Variants in GPC6 observed in about 807,000 individuals in gnomAD.
GPC6 encodes glypican-6.
A neutral mutation model predicts 55.2 loss-of-function variants in GPC6; 14 were observed. That is an observed-to-expected ratio of 0.25 (90% CI 0.17 to 0.40). The LOEUF is 0.40. GPC6 is among the 10% of genes least tolerant of loss of function. The pLI is 1.00. For synonymous variants in GPC6, 278 were observed against 259.6 expected, an observed-to-expected ratio of 1.07 and a Z score of -0.68; for missense variants, 641 against 708.5, an observed-to-expected ratio of 0.90 and a Z score of 1.08.
At chr13:93,359,982 T>C (rs755655511) in intron 1 of GPC6, among the ~76,000 whole-genome samples, 2 of 152,152 alleles carry the variant, frequency 1.3e-5, no homozygotes, top group Non-Finnish European at 1.5e-5. Context: ...GTATTAAACA[T>C]GGAATTTTTA....
chr13:93,954,294 T>C (rs1263714331), intron 3 of GPC6, among the ~76,000 whole-genome samples: 1 of 152,190 alleles, frequency 6.6e-6, no homozygotes, highest in Non-Finnish European at 1.5e-5. Context: ...AAAATATTCT[T>C]CTGCATACAC....
At chr13:94,034,307 C>T (rs1481662886) in intron 4 of GPC6, among the ~76,000 whole-genome samples, 1 of 152,108 alleles carries the variant, frequency 6.6e-6, no homozygotes, top group Non-Finnish European at 1.5e-5. Context: ...GCTACATTTG[C>T]TATCAATTAC....
chr13:93,470,728 T>G (rs978355861), intron 1 of GPC6, among the ~76,000 whole-genome samples: 1 of 152,134 alleles, frequency 6.6e-6, no homozygotes, highest in Non-Finnish European at 1.5e-5. Context: ...TATTTTTTCT[T>G]TAAATATTTA....
At chr13:93,392,118 C>T (rs946860044) in intron 1 of GPC6, among the ~76,000 whole-genome samples, 1 of 152,168 alleles carries the variant, frequency 6.6e-6, no homozygotes, top group Non-Finnish European at 1.5e-5. Context: ...CTTGGAGTCT[C>T]AAATATCCTT....
chr13:94,310,010 C>A (rs971784240), intron 6 of GPC6, among the ~76,000 whole-genome samples: 1 of 152,108 alleles, frequency 6.6e-6, no homozygotes, highest in Admixed American at 6.5e-5. Context: ...TTTTAAAAGA[C>A]GGTTCCAATT....
At chr13:94,395,320 A>G (rs1309513093) in intron 7 of GPC6, among the ~76,000 whole-genome samples, 4 of 152,246 alleles carry the variant, frequency 2.6e-5, no homozygotes, top group African/African-American at 4.8e-5. Context: ...AGAAAGAGAT[A>G]TGAGTCCACG....
chr13:93,308,771 A>G (rs1011929820), intron 1 of GPC6, among the ~76,000 whole-genome samples: 2 of 152,234 alleles, frequency 1.3e-5, no homozygotes, highest in Admixed American at 1.3e-4. Context: ...CTGAAACTTT[A>G]TTACACATAA....
At chr13:94,146,663 A>G (rs1201055778) in intron 4 of GPC6, among the ~76,000 whole-genome samples, 2 of 152,152 alleles carry the variant, frequency 1.3e-5, no homozygotes, top group African/African-American at 4.8e-5. Flanking sequence ...CAACTCCTTG[A>G]TGACATACCT....
chr13:93,421,450 G>T (rs1876920587), intron 1 of GPC6, among the ~76,000 whole-genome samples: 1 of 152,106 alleles, frequency 6.6e-6, no homozygotes, highest in Non-Finnish European at 1.5e-5. Context: ...GTCAGGAATT[G>T]ATTTTCTGCT....
At position 94,034,527 on chromosome 13, in the gene GPC6, A is replaced by T. The variant is rs1883266876; in HGVS notation, c.877+6633A>T. The stretch of plus-strand genomic sequence containing the variant: ...CACAGAAGCACAATTTCTATTTTGA[A>T]TCAAGCAATTTTCCCATGGATCAAA... On this transcript the variant is annotated intron_variant, in intron 4 of 8. Coordinates refer to ENST00000377047, the MANE Select transcript of GPC6 (RefSeq NM_005708.5). Among the ~76,000 whole-genome samples the T allele has an allele frequency of 2.6e-5, 4 of 152,102 alleles. No individual in the cohort carries two copies. In the South Asian group the frequency reaches 8.3e-4, roughly 31 times the overall value.
chr13:93,249,102 AT>A (rs1298894314), intron 1 of GPC6, among the ~76,000 whole-genome samples: 4 of 152,170 alleles, frequency 2.6e-5, no homozygotes, highest in African/African-American at 9.7e-5. Flanking sequence ...ACTGAAACAA[AT>A]TTCAGATAAA....
intron 1 of GPC6, among the ~76,000 whole-genome samples, chr13:93,438,099 C>T (rs1877640670): frequency 1.3e-5 from 2 of 152,108 alleles, no homozygotes; most frequent in Admixed American, 1.3e-4. Flanking sequence ...TATTTGACAC[C>T]TATTCCTGAG....
chr13:93,827,424 C>A (rs1042626267), intron 2 of GPC6, among the ~76,000 whole-genome samples: 1 of 151,980 alleles, frequency 6.6e-6, no homozygotes, highest in Non-Finnish European at 1.5e-5. Flanking sequence ...AAATGAGTAC[C>A]CTTATTTTGG....
chr13:94,089,276 A>G (rs546940225), intron 4 of GPC6, among the ~76,000 whole-genome samples: 1 of 152,266 alleles, frequency 6.6e-6, no homozygotes, highest in Non-Finnish European at 1.5e-5. Context: ...AGAGAGATGG[A>G]TTAGGTCAGA....
chr13:93,376,813 T>C (rs564241311), intron 1 of GPC6, among the ~76,000 whole-genome samples: 1 of 151,612 alleles, frequency 6.6e-6, no homozygotes, highest in African/African-American at 2.4e-5. Context: ...CAATAAATGA[T>C]ATATATAAAA....
chr13:93,352,605 G>A (rs2139165851), intron 1 of GPC6, among the ~76,000 whole-genome samples: 1 of 152,242 alleles, frequency 6.6e-6, no homozygotes, highest in East Asian at 1.9e-4. Context: ...GAGCCTGCTT[G>A]ACATTTTTGA....
At chr13:94,096,616 C>T (rs757775053) in intron 4 of GPC6, among the ~76,000 whole-genome samples, 20 of 152,076 alleles carry the variant, frequency 1.3e-4, no homozygotes, top group Non-Finnish European at 2.8e-4. Flanking sequence ...AGCTCACGGT[C>T]CAGGTGAGAA....
At chr13:94,360,837 G>C (rs532871094) in intron 6 of GPC6, among the ~76,000 whole-genome samples, 3 of 152,326 alleles carry the variant, frequency 2.0e-5, no homozygotes, top group South Asian at 4.1e-4. Flanking sequence ...TGAGACTGCA[G>C]GCTCTGGGCC....
intron 1 of GPC6, among the ~76,000 whole-genome samples, chr13:93,410,670 T>A (rs1488823747): frequency 6.6e-6 from 1 of 152,198 alleles, no homozygotes; most frequent in Non-Finnish European, 1.5e-5. Context: ...TATATTAAAT[T>A]AATGGACTTT....
Sources: gnomAD v4.1 joint callset for allele counts (sites outside exome capture counted in the v4.1 genomes callset) on GRCh38, gnomAD v4.1.1 for gene constraint, MANE v1.5 for transcripts, NCBI Gene and HGNC (gene_info 2026-07-23, HGNC 2026-07-21) for gene names.